The following LHFPL3 variants were observed in gnomAD, a reference collection of about 807,000 sequenced individuals.
LHFPL3 encodes LHFPL tetraspan subfamily member 3, also known as LHFPL tetraspan subfamily member 3 protein.
LHFPL3 carries 5 observed loss-of-function variants against 19.3 expected under a neutral mutation model. The observed-to-expected ratio is 0.26, with a 90% confidence interval of 0.14 to 0.54. LHFPL3 has a LOEUF of 0.54. Among genes scored for constraint, LHFPL3 ranks in the 20% least tolerant of loss-of-function variants. LHFPL3 has a pLI of 0.94. For missense variants in LHFPL3, 249 were observed against 307.4 expected (o/e 0.81, Z 1.42); for synonymous variants, 133 against 126.2 (o/e 1.05, Z -0.36).
intron 2 of LHFPL3, among the ~76,000 whole-genome samples, chr7:104,875,068 G>C (rs542398483): frequency 6.6e-6 from 1 of 151,514 alleles, no homozygotes; most frequent in Non-Finnish European, 1.5e-5. Flanking sequence ...GGCTGGTCTC[G>C]AACTCCTGGT....
At chr7:104,543,428 G>A (rs1434835459) in intron 1 of LHFPL3, among the ~76,000 whole-genome samples, 2 of 151,848 alleles carry the variant, frequency 1.3e-5, no homozygotes, top group African/African-American at 4.8e-5. Context: ...ATACCCAAAG[G>A]ATTATAAATC....
At chr7:104,843,085 G>A (rs574024877) in intron 2 of LHFPL3, among the ~76,000 whole-genome samples, 1 of 152,054 alleles carries the variant, frequency 6.6e-6, no homozygotes, top group Admixed American at 6.5e-5. Context: ...GCCATTCCTG[G>A]CAGCCCTAAC....
chr7:104,782,777 C>T (rs1390955039), intron 2 of LHFPL3, among the ~76,000 whole-genome samples: 1 of 152,218 alleles, frequency 6.6e-6, no homozygotes, highest in African/African-American at 2.4e-5. Context: ...TCCACCTTCA[C>T]CTCTCACCAC....
chr7:104,829,320 AGCT>A (rs940479548), intron 2 of LHFPL3, among the ~76,000 whole-genome samples: 8 of 151,478 alleles, frequency 5.3e-5, no homozygotes, highest in Non-Finnish European at 1.2e-4. Context: ...TAGATGTCAT[AGCT>A]GCTTTTTTTT....
rs564438636 is a variant in LHFPL3 at position 104,489,938 on chromosome 7, C to G, written c.445+160714C>G. 8.3e-4 allele frequency among the ~76,000 whole-genome samples: 126 copies of G among 152,134 alleles called. 1 individual carries two copies. The highest frequency in any genetic ancestry group is 3.0e-3 in the African/African-American group (124 of 41,494). ...CACCGTAAGTCTTTATAGTTCCTACCCCCTCTAACTGTGGCCTACTGCAGG... is the reference window on the plus strand; with the variant it reads ...CACCGTAAGTCTTTATAGTTCCTACGCCCTCTAACTGTGGCCTACTGCAGG... On this transcript the variant is annotated intron_variant, in intron 1 of 2. Transcript: ENST00000424859.
chr7:104,816,509 C>T (rs372018058), intron 2 of LHFPL3, among the ~76,000 whole-genome samples: 11 of 152,222 alleles, frequency 7.2e-5, no homozygotes, highest in Non-Finnish European at 1.5e-4. Flanking sequence ...TAAATCCTCA[C>T]CTTTGGTCTT....
rs1376775987 is a variant in LHFPL3 at position 104,448,471 on chromosome 7, T to A, written c.445+119247T>A. Among the ~76,000 whole-genome samples the A allele has an allele frequency of 1.3e-5, 2 of 152,204 alleles. 1 individual carries two copies. Among genetic ancestry groups the A allele is most frequent in the Admixed American group, 1.3e-4 (2 of 15,276 alleles). ...AAATGGCTCCTTCAGAGCCATTACA[T>A]TGCAGTTCATCAAGTAAATAGTGAT... On this transcript the variant is annotated intron_variant, in intron 1 of 2. Transcript: ENST00000424859.
At chr7:104,366,670 G>T (rs1050044593) in intron 1 of LHFPL3, among the ~76,000 whole-genome samples, 3 of 152,134 alleles carry the variant, frequency 2.0e-5, no homozygotes, top group Admixed American at 6.5e-5. Context: ...ACTTCTATAG[G>T]ATGGGTTTCT....
chr7:104,534,495 G>A (rs1430546541), intron 1 of LHFPL3, among the ~76,000 whole-genome samples: 2 of 152,194 alleles, frequency 1.3e-5, no homozygotes, highest in African/African-American at 4.8e-5. Flanking sequence ...GTGCTTGATG[G>A]TCATTGACAT....
At chr7:104,898,223 T>C (rs909459996) in intron 2 of LHFPL3, among the ~76,000 whole-genome samples, 5 of 151,814 alleles carry the variant, frequency 3.3e-5, no homozygotes, top group African/African-American at 1.2e-4. Flanking sequence ...GCCAGGCTGG[T>C]CTCGAACTCC....
At chr7:104,732,451 G>C (rs1793722973) in intron 1 of LHFPL3, among the ~76,000 whole-genome samples, 1 of 152,084 alleles carries the variant, frequency 6.6e-6, no homozygotes, top group East Asian at 1.9e-4. Flanking sequence ...GTTTAGTCTT[G>C]GGAGGATGTA....
chr7:104,894,527 C>T (rs1792316135), intron 2 of LHFPL3: 1 of 152,214 alleles, frequency 6.6e-6, no homozygotes, highest in Admixed American at 6.5e-5. Context: ...ACTCCACCTT[C>T]CAGCCAAAGG....
At chr7:104,550,464 C>T (rs1408546373) in intron 1 of LHFPL3, among the ~76,000 whole-genome samples, 6 of 152,028 alleles carry the variant, frequency 3.9e-5, no homozygotes, top group African/African-American at 1.5e-4. Context: ...GACACTCTGT[C>T]CAAAGGCAAC....
intron 2 of LHFPL3, among the ~76,000 whole-genome samples, chr7:104,889,312 C>T (rs1792204156): frequency 6.6e-6 from 1 of 152,126 alleles, no homozygotes; most frequent in South Asian, 2.1e-4. Flanking sequence ...ATTATAAGAT[C>T]ATTTGTATGG....
intron 1 of LHFPL3, 88 bp downstream of exon 1, chr7:104,329,312 C>A: frequency 6.9e-7 from 1 of 1,457,020 alleles, no homozygotes. Context: ...GGGGGCTGTG[C>A]GCGCCGCTGC....
rs563269662 is a variant in LHFPL3 at position 104,834,757 on chromosome 7, G to A, written c.683-71430G>A. 4.0e-5 allele frequency among the ~76,000 whole-genome samples: 6 copies of A among 151,892 alleles called. No homozygotes were observed. The South Asian group carries it at 1.2e-3, about 32-fold the overall frequency. Reference sequence around the variant, plus strand: ...CCATGCAGGTCCTGCAGGCGGAGAGGGCTGCTTCAGCTTCATGATGGTTTC... The same window carrying A: ...CCATGCAGGTCCTGCAGGCGGAGAGAGCTGCTTCAGCTTCATGATGGTTTC... On this transcript the variant is annotated intron_variant, in intron 2 of 2. Coordinates refer to ENST00000424859, the MANE Select transcript of LHFPL3 (RefSeq NM_199000.3).
At chr7:104,586,984 A>G (rs148340575) in intron 1 of LHFPL3, among the ~76,000 whole-genome samples, 1 of 152,312 alleles carries the variant, frequency 6.6e-6, no homozygotes, top group African/African-American at 2.4e-5. Context: ...ACAGAAACTT[A>G]CTGTATATGA....
intron 2 of LHFPL3, among the ~76,000 whole-genome samples, chr7:104,867,675 C>T (rs1791753928): frequency 6.6e-6 from 1 of 152,180 alleles, no homozygotes; most frequent in South Asian, 2.1e-4. Flanking sequence ...ACCATTCCTT[C>T]TGAAACTATT....
intron 1 of LHFPL3, among the ~76,000 whole-genome samples, chr7:104,352,220 AAG>A (rs1039714688): frequency 4.0e-5 from 6 of 151,896 alleles, no homozygotes; most frequent in African/African-American, 1.5e-4. Flanking sequence ...AAATTGCAAA[AAG>A]AAAATGAATA....
Sources: gnomAD v4.1 joint callset for allele counts (sites outside exome capture counted in the v4.1 genomes callset) on GRCh38, gnomAD v4.1.1 for gene constraint, MANE v1.5 for transcripts, NCBI Gene and HGNC (gene_info 2026-07-23, HGNC 2026-07-21) for gene names.